SRL: variants seen among roughly 807,000 people sequenced by gnomAD.
The protein encoded by SRL is sarcalumenin.
A neutral mutation model predicts 39.5 loss-of-function variants in SRL; 23 were observed. The ratio of observed to expected loss-of-function variants is 0.58; its 90% confidence interval spans 0.42 to 0.82. The LOEUF is 0.82. Ranked by LOEUF, SRL falls within the 40% of genes least tolerant of loss-of-function variation. SRL has a pLI of 0.00. For missense variants in SRL, 592 were observed against 607.8 expected (o/e 0.97, Z 0.27); for synonymous variants, 272 against 237.4 (o/e 1.15, Z -1.34).
chr16:4,225,538 T>C (rs2052577671), intron 1 of SRL, among the ~76,000 whole-genome samples: 1 of 152,168 alleles, frequency 6.6e-6, no homozygotes, highest in Non-Finnish European at 1.5e-5. Flanking sequence ...GAGCCCTGAT[T>C]GTACCAGTGC....
intron 1 of SRL, chr16:4,239,668 G>A (rs530086055): frequency 2.0e-5 from 3 of 152,502 alleles, no homozygotes; most frequent in African/African-American, 7.2e-5. Context: ...AGTGCAGGCA[G>A]GGTCTGTCAC....
rs1036808020 is a variant in SRL, at chr16:4,190,714, C to G, written c.*1439G>C. 1.3e-5 allele frequency: 5 copies of G among 373,564 alleles called. No individual in the cohort carries two copies. The highest frequency in any genetic ancestry group is 1.0e-4 in the African/African-American group (5 of 48,146). 23.1% of individuals were successfully genotyped at this position (373,564 alleles called of 1,614,324 possible). A position where few individuals can be genotyped will look rare whatever the true frequency, so the allele number is the denominator to read the frequency against. On this transcript the variant is annotated 3_prime_UTR_variant, in exon 6 of 6. Transcript: ENST00000399609. The stretch of plus-strand genomic sequence containing the variant: ...TTCCTGCGGTGTGTTCAGTGGACAT[C>G]TGCATCAAGGTCAGGCGGGAAGGTC...
chr16:4,197,083 T>TTTG (rs1555453611), intron 4 of SRL, among the ~76,000 whole-genome samples: 8 of 69,852 alleles, frequency 1.1e-4, no homozygotes, highest in African/African-American at 3.4e-4. Context: ...TTTTTTTTTT[T>TTTG]TGTGAGACAG....
intron 1 of SRL, among the ~76,000 whole-genome samples, chr16:4,229,716 C>T (rs538732688): frequency 1.2e-4 from 18 of 151,936 alleles, no homozygotes; most frequent in Non-Finnish European, 2.2e-4. Context: ...CAACAAAAGC[C>T]CAAACCTCAG....
At position 4,195,781 on chromosome 16, in the gene SRL, C is replaced by T; in HGVS notation, c.382G>A (p.Glu128Lys). The change falls in exon 5 of 6, where the codon GAA (glutamate) becomes AAA (lysine). Residue 128 changes from glutamate (E) to lysine (K), a missense_variant. Coordinates refer to ENST00000399609, the MANE Select transcript of SRL (RefSeq NM_001098814.2). Reference sequence around the variant, plus strand: ...ACCGTGAACTCAGAGGTGGTGGGTTCAGCGCCTGGGCACACGGGGTGAGAG... The same window carrying T: ...ACCGTGAACTCAGAGGTGGTGGGTTTAGCGCCTGGGCACACGGGGTGAGAG... The part of the protein sequence containing the change: ...NTRYQLYTGA[E>K]PTTSEFTVLM... 2 of 1,613,482 alleles carry T rather than the reference C, an allele frequency of 1.2e-6. No homozygotes were observed.
At chr16:4,224,325 A>G (rs1223235111) in intron 1 of SRL, among the ~76,000 whole-genome samples, 1 of 152,136 alleles carries the variant, frequency 6.6e-6, no homozygotes, top group Non-Finnish European at 1.5e-5. Flanking sequence ...CCCCACTACT[A>G]TTGATGGAGT....
At chr16:4,206,853 C>G (rs908484945) in intron 1 of SRL, 8 of 456,668 alleles carry the variant, frequency 1.8e-5, no homozygotes, top group Non-Finnish European at 2.6e-5. Flanking sequence ...CTGGGCCCCT[C>G]TGTCCCTGTG....
chr16:4,241,883 A>G, intron 1 of SRL, 124 bp downstream of exon 1: 1 of 991,168 alleles, frequency 1.0e-6, no homozygotes, highest in Non-Finnish European at 1.5e-6. Flanking sequence ...GGGTAAGAAG[A>G]CACCAGCCAA....
chr16:4,191,899 A>G lies in SRL; in HGVS notation c.*254T>C. On this transcript the variant is annotated 3_prime_UTR_variant, in exon 6 of 6. Transcript: ENST00000399609. ...TCCTTCCAAGACAGGACCCAGGAAA[A>G]GCAGGTGGAGGCTGACTTGCCTCAA... 2.3e-6 allele frequency: 1 copy of G among 439,304 alleles called. No homozygotes were observed. The highest frequency in any genetic ancestry group is 4.0e-6 in the Non-Finnish European group (1 of 249,980). The allele number at this position is 439,304 out of a possible 1,614,324, so 27.2% of individuals were successfully genotyped here.
chr16:4,216,662 C>T (rs1430938882), intron 1 of SRL, among the ~76,000 whole-genome samples: 1 of 152,204 alleles, frequency 6.6e-6, no homozygotes, highest in African/African-American at 2.4e-5. Context: ...CAGGGATACT[C>T]TATAGAGCAC....
chr16:4,210,833 C>T (rs2052384119), intron 1 of SRL, among the ~76,000 whole-genome samples: 2 of 152,132 alleles, frequency 1.3e-5, no homozygotes, highest in Non-Finnish European at 2.9e-5. Context: ...GACATTGAGG[C>T]CCTTGTTGAA....
intron 1 of SRL, among the ~76,000 whole-genome samples, chr16:4,230,287 C>G (rs927644379): frequency 6.6e-6 from 1 of 152,254 alleles, no homozygotes; most frequent in East Asian, 1.9e-4. Context: ...AAACAGGTAC[C>G]CCCTCCACCC....
chr16:4,239,914 G>C (rs2052754503), intron 1 of SRL, among the ~76,000 whole-genome samples: 1 of 151,896 alleles, frequency 6.6e-6, no homozygotes, highest in Non-Finnish European at 1.5e-5. Flanking sequence ...CCTGAGTGCA[G>C]CAGCAGGTCG....
At chr16:4,220,104 G>C (rs1024652425) in intron 1 of SRL, among the ~76,000 whole-genome samples, 1 of 152,094 alleles carries the variant, frequency 6.6e-6, no homozygotes, top group African/African-American at 2.4e-5. Context: ...TCACTCCAGA[G>C]TACAGGTGTC....
At chr16:4,208,014 T>A (rs759521449) in intron 1 of SRL, 1 of 456,756 alleles carries the variant, frequency 2.2e-6, no homozygotes, top group Non-Finnish European at 4.4e-6. Context: ...CGCCCTTTCT[T>A]TCTCCTCTAG....
chr16:4,193,846 A>G (rs914548518), intron 5 of SRL, among the ~76,000 whole-genome samples: 6 of 151,346 alleles, frequency 4.0e-5, no homozygotes, highest in African/African-American at 1.5e-4. Flanking sequence ...TCCAACGTGT[A>G]GTAGGGGTAC....
At chr16:4,208,584 G>C (rs11642970) in intron 1 of SRL, among the ~76,000 whole-genome samples, 30,102 of 152,144 alleles carry the variant, frequency 0.2, 3,252 homozygotes, top group Admixed American at 0.25. Flanking sequence ...AGTTCCTACT[G>C]TCATTAACCA....
intron 4 of SRL, among the ~76,000 whole-genome samples, 171 bp downstream of exon 4, chr16:4,197,628 T>C (rs1227127109): frequency 6.6e-6 from 1 of 151,876 alleles, no homozygotes; most frequent in East Asian, 1.9e-4. Context: ...GTTTTTGCCA[T>C]GTTGGCCAGG....
intron 3 of SRL, among the ~76,000 whole-genome samples, chr16:4,200,803 C>T (rs73497116): frequency 0.067 from 10,218 of 152,194 alleles, 1,102 homozygotes; most frequent in African/African-American, 0.23. Context: ...TAACCCAGCA[C>T]GTCTCTGGGC....
Sources: gnomAD v4.1 joint callset for allele counts (sites outside exome capture counted in the v4.1 genomes callset) on GRCh38, gnomAD v4.1.1 for gene constraint, MANE v1.5 for transcripts, NCBI Gene and HGNC (gene_info 2026-07-23, HGNC 2026-07-21) for gene names.